The following TMPRSS3 variants were observed in gnomAD, a reference collection of about 807,000 sequenced individuals.
The protein encoded by TMPRSS3 is transmembrane serine protease 3.
TMPRSS3 carries 55 observed loss-of-function variants against 59.6 expected under a neutral mutation model. The ratio of observed to expected loss-of-function variants is 0.92; its 90% CI spans 0.74 to 1.16. The LOEUF (loss-of-function observed/expected upper bound fraction) is 1.16, where lower values mean the gene tolerates loss of function less well. Ranked by LOEUF, TMPRSS3 falls within the 50% of genes most tolerant of loss-of-function variation. The probability of loss-of-function intolerance (pLI) is 0.00; values close to 1 mark genes in which losing one functional copy is unlikely to be tolerated. For synonymous variants in TMPRSS3, 257 were observed against 237.7 expected, an observed-to-expected ratio of 1.08 and a Z score of -0.75; for missense variants, 596 against 579.4, an observed-to-expected ratio of 1.03 and a Z score of -0.29.
intron 5 of TMPRSS3, among the ~76,000 whole-genome samples, chr21:42,387,550 C>A (rs1385867626): frequency 6.6e-6 from 1 of 152,072 alleles, no homozygotes; most frequent in African/African-American, 2.4e-5. Flanking sequence ...GGGCTGGAGG[C>A]TGGAGGGCAT....
chr21:42,395,954 T>A lies in TMPRSS3; in HGVS notation c.-64A>T. The A allele has an allele frequency of 1.9e-6, 1 of 518,770 alleles. No homozygotes were observed. The highest frequency in any genetic ancestry group is 3.8e-6 in the Non-Finnish European group (1 of 259,840). 32.1% of individuals were successfully genotyped at this position (518,770 alleles called of 1,614,324 possible). A position where few individuals can be genotyped will look rare whatever the true frequency, so the allele number is the denominator to read the frequency against. On this transcript the variant is annotated 5_prime_UTR_variant, in exon 1 of 13. Transcript: ENST00000644384. The stretch of plus-strand genomic sequence containing the variant: ...TTTCGGTACTCACATAATTCCCGAG[T>A]CCCAAAAATGTAGATGGCACCACGG...
chr21:42,395,791 T>G (rs769071397), intron 1 of TMPRSS3, 151 bp downstream of exon 1: 2 of 399,978 alleles, frequency 5.0e-6, no homozygotes, highest in Non-Finnish European at 9.8e-6. Flanking sequence ...CATTTAGAAG[T>G]TGCCATATTG....
intron 2 of TMPRSS3, among the ~76,000 whole-genome samples, chr21:42,392,066 G>A (rs1395518736): frequency 6.6e-6 from 1 of 152,192 alleles, no homozygotes; most frequent in Non-Finnish European, 1.5e-5. Context: ...AATCCAGAAA[G>A]GGGAGAGAAG....
At chr21:42,387,455 A>T (rs754026299) in intron 5 of TMPRSS3, among the ~76,000 whole-genome samples, 4 of 151,234 alleles carry the variant, frequency 2.6e-5, no homozygotes, top group Non-Finnish European at 4.4e-5. Flanking sequence ...GTTAGTGTGG[A>T]TGATTTTTGC....
Position 42,395,438 on chromosome 21 carries a change from T to G in TMPRSS3, c.-21A>C. The G allele has an allele frequency of 6.2e-7, 1 of 1,606,754 alleles. No individual in the cohort carries two copies. Among genetic ancestry groups the G allele is most frequent in the Non-Finnish European group, 8.5e-7 (1 of 1,173,332 alleles). ...CCCATGGTGACTATTTCAGGACCTC[T>G]GACATCCGGCTCCGCCTCCACCTCT... On this transcript the variant is annotated 5_prime_UTR_variant, in exon 2 of 13. Coordinates refer to ENST00000644384, the MANE Select transcript of TMPRSS3 (RefSeq NM_001256317.3).
chr21:42,381,513 C>T (rs917307433), intron 9 of TMPRSS3, among the ~76,000 whole-genome samples: 2 of 152,342 alleles, frequency 1.3e-5, no homozygotes, highest in East Asian at 3.9e-4. Context: ...GGCTCCTGGA[C>T]AGGAAAGTGC....
intron 9 of TMPRSS3, among the ~76,000 whole-genome samples, chr21:42,380,733 C>T (rs532108938): frequency 6.6e-5 from 10 of 152,318 alleles, no homozygotes; most frequent in African/African-American, 1.4e-4. Flanking sequence ...TATCTGGAGG[C>T]GACGAGTTTG....
At chr21:42,383,860 C>A (rs780645726) in intron 7 of TMPRSS3, 110 bp downstream of exon 7, 122 of 1,204,648 alleles carry the variant, frequency 1.0e-4, no homozygotes, top group Admixed American at 1.8e-4. Context: ...GCCTGGCACC[C>A]AGGAGGAAGG....
rs9981459 is a variant in TMPRSS3, at chr21:42,388,700, C to G, written c.323-174G>C. ...GACTCTGGATCCCTGAGACTTCTCG[C>G]TGGTCTCATCTTATTGCTTATGTGG... On this transcript the variant is annotated intron_variant, in intron 4 of 12. Coordinates refer to ENST00000644384, the MANE Select transcript of TMPRSS3 (RefSeq NM_001256317.3). This position sits in a 1 kb window ranked among gnomAD's most constrained non-coding sequence, Gnocchi z 5.1. Among the ~76,000 whole-genome samples, 26,117 of 151,714 alleles carry G rather than the reference C, an allele frequency of 0.17. 2,451 individuals are homozygous for G. The highest frequency in any genetic ancestry group is 0.24 in the African/African-American group (9,950 of 41,322).
chr21:42,391,338 G>A (rs562358594), intron 2 of TMPRSS3, among the ~76,000 whole-genome samples: 73 of 152,330 alleles, frequency 4.8e-4, no homozygotes, highest in South Asian at 2.3e-3. Flanking sequence ...GAGCCACCAT[G>A]TCCAGCCGAG....
At chr21:42,383,436 G>T (rs2052570755) in intron 7 of TMPRSS3, 3 of 595,712 alleles carry the variant, frequency 5.0e-6, no homozygotes, top group East Asian at 2.8e-5. Flanking sequence ...CACCTGCCCT[G>T]CTTGGTCAGT....
chr21:42,373,443 G>A (rs1025536251), intron 12 of TMPRSS3, among the ~76,000 whole-genome samples: 1 of 152,174 alleles, frequency 6.6e-6, no homozygotes, highest in Non-Finnish European at 1.5e-5. Context: ...CGTCACAGAC[G>A]AGCTCCTCCA....
chr21:42,383,431 G>A (rs1034282860), intron 7 of TMPRSS3: 1 of 598,656 alleles, frequency 1.7e-6, no homozygotes, highest in Non-Finnish European at 3.0e-6. Flanking sequence ...AAAAGCACCT[G>A]CCCTGCTTGG....
At chr21:42,377,146 G>A (rs2052444953) in intron 10 of TMPRSS3, among the ~76,000 whole-genome samples, 1 of 152,234 alleles carries the variant, frequency 6.6e-6, no homozygotes, top group South Asian at 2.1e-4. Context: ...CCAATCCCCA[G>A]AACCTGTGAC....
rs765100807 is a variant in TMPRSS3 at position 42,395,310 on chromosome 21, C to G, written c.94+14G>C. 1.2e-6 allele frequency: 2 copies of G among 1,611,120 alleles called. No homozygotes were observed. The highest frequency in any genetic ancestry group is 1.1e-5 in the South Asian group (1 of 90,982). ...TGGGCAGAAATCACAGAGTCCTCAC[C>G]TGGGTCCACTTACCTGGTGCAACAG... On this transcript the variant is annotated intron_variant, in intron 2 of 12. Coordinates refer to ENST00000644384, the MANE Select transcript of TMPRSS3 (RefSeq NM_001256317.3).
chr21:42,374,877 G>A (rs774344069), intron 12 of TMPRSS3, among the ~76,000 whole-genome samples: 58 of 151,804 alleles, frequency 3.8e-4, no homozygotes, highest in Admixed American at 1.4e-3. Context: ...AAATTACATT[G>A]CAAGCAAGGA....
At chr21:42,380,052 GC>G (rs1292611182) in intron 10 of TMPRSS3, 64 bp downstream of exon 10, 1 of 1,359,316 alleles carries the variant, frequency 7.4e-7, no homozygotes, top group Admixed American at 1.8e-5. Flanking sequence ...CATTGGGGGA[GC>G]CCCCTCCGCA....
rs1284951589 is a variant in TMPRSS3, at chr21:42,372,480, A to T, written c.*282T>A. On this transcript the variant is annotated 3_prime_UTR_variant, in exon 13 of 13. Transcript: ENST00000644384. ...GAAGCTGAGGCAAGAGAATCGCTTG[A>T]ACCAGGGAAGCGGAGGCTGCAGTGA... 1.7e-6 allele frequency: 1 copy of T among 596,798 alleles called. No individual in the cohort carries two copies. Among genetic ancestry groups the T allele is most frequent in the African/African-American group, 1.8e-5 (1 of 54,740 alleles). 37.0% of individuals were successfully genotyped at this position (596,798 alleles called of 1,614,324 possible). A position where few individuals can be genotyped will look rare whatever the true frequency, so the allele number is the denominator to read the frequency against.
intron 2 of TMPRSS3, among the ~76,000 whole-genome samples, chr21:42,392,912 A>C (rs2052751228): frequency 6.6e-6 from 1 of 152,264 alleles, no homozygotes; most frequent in Non-Finnish European, 1.5e-5. Context: ...CCCTGAGGGC[A>C]CTGCAGGGGC....
Sources: gnomAD v4.1 joint callset for allele counts (sites outside exome capture counted in the v4.1 genomes callset) on GRCh38, gnomAD v4.1.1 for gene constraint, Gnocchi (gnomAD v3.1) non-coding constraint, MANE v1.5 for transcripts, NCBI Gene and HGNC (gene_info 2026-07-23, HGNC 2026-07-21) for gene names.